KCNQ2: variants seen among roughly 807,000 people sequenced by gnomAD.
The protein encoded by KCNQ2 is potassium voltage-gated channel subfamily KQT member 2.
A neutral mutation model predicts 84.8 loss-of-function variants in KCNQ2; 14 were observed. The observed-to-expected ratio is 0.17, with a 90% confidence interval of 0.11 to 0.26. The LOEUF (loss-of-function observed/expected upper bound fraction) is 0.26, where lower values mean the gene tolerates loss of function less well. KCNQ2 is among the 10% of genes least tolerant of loss of function. The pLI, the probability that KCNQ2 is intolerant of heterozygous loss-of-function variation, is 1.00. For missense variants in KCNQ2, 788 were observed against 1,254.0 expected (o/e 0.63, Z 5.61); for synonymous variants, 599 against 554.1 (o/e 1.08, Z -1.14).
At chr20:63,470,067 C>A (rs1395192936) in intron 1 of KCNQ2, among the ~76,000 whole-genome samples, 1 of 152,242 alleles carries the variant, frequency 6.6e-6, no homozygotes, top group East Asian at 1.9e-4. Flanking sequence ...CGACGGAAAA[C>A]TGAGGTTTGC....
intron 1 of KCNQ2, among the ~76,000 whole-genome samples, chr20:63,451,924 G>A (rs968531898): frequency 2.6e-5 from 4 of 152,236 alleles, no homozygotes; most frequent in African/African-American, 4.8e-5. Flanking sequence ...CGGGGCACAG[G>A]GTGGTCCTCC....
Sources: gnomAD v4.1 joint callset for allele counts (sites outside exome capture counted in the v4.1 genomes callset) on GRCh38, gnomAD v4.1.1 for gene constraint, MANE v1.5 for transcripts, NCBI Gene and HGNC (gene_info 2026-07-23, HGNC 2026-07-21) for gene names.